GLIS3: variants seen among roughly 807,000 people sequenced by gnomAD.
GLIS3 encodes zinc finger protein GLIS3.
In GLIS3, 53 loss-of-function variants were observed where a neutral mutation model predicts 78.6. The ratio of observed to expected loss-of-function variants is 0.67; its 90% CI spans 0.54 to 0.85. GLIS3 has a LOEUF of 0.85. GLIS3 is among the 40% of genes least tolerant of loss of function. GLIS3 has a pLI of 0.00. For synonymous variants in GLIS3, 684 were observed against 509.9 expected, an observed-to-expected ratio of 1.34 and a Z score of -4.60; for missense variants, 1,703 against 1,231.1, an observed-to-expected ratio of 1.38 and a Z score of -5.74.
chr9:3,856,006 T>C lies in GLIS3; in HGVS notation c.2473+3A>G, dbSNP rs562001640. 1 of 1,614,138 alleles carries C rather than the reference T, an allele frequency of 6.2e-7. No homozygotes were observed. The highest frequency in any genetic ancestry group is 1.3e-5 in the African/African-American group (1 of 75,060). ...CTCAAGGGACTGCCAGCTTCTTGCT[T>C]ACCATGGACATGGATACCATTTGGT... On this transcript the variant is annotated splice_donor_region_variant and intron_variant, in intron 9 of 10. Transcript: ENST00000381971.
intron 7 of GLIS3, among the ~76,000 whole-genome samples, chr9:3,881,459 C>T (rs952996803): frequency 5.9e-5 from 9 of 152,160 alleles, no homozygotes; most frequent in Admixed American, 2.0e-4. Context: ...ACTTGGTGTG[C>T]ACACTCTGTG....
upstream of GLIS3, among the ~76,000 whole-genome samples, chr9:4,352,810 G>A (rs1326810634): frequency 1.3e-5 from 2 of 152,230 alleles, no homozygotes; most frequent in Non-Finnish European, 2.9e-5. Flanking sequence ...TTTCTTGGAT[G>A]TTGGCCAAAA....
chr9:3,907,433 A>G (rs1823785219), intron 6 of GLIS3, among the ~76,000 whole-genome samples: 1 of 152,194 alleles, frequency 6.6e-6, no homozygotes. Flanking sequence ...TTCCTAATGG[A>G]GAATTTTCAA....
intron 4 of GLIS3, among the ~76,000 whole-genome samples, chr9:4,036,764 G>A (rs1347588357): frequency 6.6e-6 from 1 of 152,170 alleles, no homozygotes; most frequent in East Asian, 1.9e-4. Context: ...ACAGAGGTGT[G>A]AGAAGAACTG....
At chr9:4,264,234 T>C (rs1260300166) in intron 2 of GLIS3, among the ~76,000 whole-genome samples, 4 of 152,210 alleles carry the variant, frequency 2.6e-5, no homozygotes, top group African/African-American at 7.2e-5. Flanking sequence ...CTGTTTCTTA[T>C]TGCTGCACAA....
intron 2 of GLIS3, among the ~76,000 whole-genome samples, chr9:4,160,603 C>T (rs962084117): frequency 3.9e-5 from 6 of 152,192 alleles, no homozygotes; most frequent in Admixed American, 3.9e-4. Flanking sequence ...TTAACCCAAG[C>T]TTGTTTGACA....
At chr9:4,126,977 A>T (rs1165654610) in intron 2 of GLIS3, among the ~76,000 whole-genome samples, 1 of 152,228 alleles carries the variant, frequency 6.6e-6, no homozygotes, top group Non-Finnish European at 1.5e-5. Context: ...TGTAGGGGTC[A>T]TAATTTCCTA....
chr9:4,044,316 G>A (rs965022494), intron 4 of GLIS3, among the ~76,000 whole-genome samples: 4 of 152,296 alleles, frequency 2.6e-5, no homozygotes, highest in Non-Finnish European at 5.9e-5. Context: ...TGATTATACA[G>A]ATCTGTACGA....
At chr9:3,875,433 A>AT (rs144363992) in intron 8 of GLIS3, among the ~76,000 whole-genome samples, 22,875 of 151,964 alleles carry the variant, frequency 0.15, 1,990 homozygotes, top group Non-Finnish European at 0.19. Context: ...GACTCAGCCC[A>AT]TTTTTTTTAG....
chr9:4,152,037 A>C, intron 2 of GLIS3: 3 of 504,640 alleles, frequency 5.9e-6, no homozygotes, highest in Non-Finnish European at 7.7e-6. Flanking sequence ...AAAAACCAGA[A>C]CCTCAAACCC....
At chr9:4,084,400 G>C (rs1191766878) in intron 4 of GLIS3, among the ~76,000 whole-genome samples, 1 of 152,050 alleles carries the variant, frequency 6.6e-6, no homozygotes, top group East Asian at 1.9e-4. Context: ...CGCAAGGAGA[G>C]GAAAAAATAA....
intron 1 of GLIS3, among the ~76,000 whole-genome samples, chr9:4,297,214 T>C (rs1388305325): frequency 6.6e-6 from 1 of 151,784 alleles, no homozygotes; most frequent in Non-Finnish European, 1.5e-5. Context: ...AAGGCAGAAA[T>C]CATGACTCAT....
chr9:4,318,490 GGGCAGT>G (rs1817472539), intron 2 of GLIS3, among the ~76,000 whole-genome samples: 1 of 152,086 alleles, frequency 6.6e-6, no homozygotes, highest in Admixed American at 6.5e-5. Context: ...AAAATATAAG[GGGCAGT>G]GTCAAAATAA....
chr9:4,354,565 C>T, the GLIS3 span, among the ~76,000 whole-genome samples: 2 of 152,156 alleles, frequency 1.3e-5, no homozygotes, highest in South Asian at 4.1e-4. Flanking sequence ...AGGTCAAAAC[C>T]TCAGTGCACG....
At chr9:4,067,205 A>C (rs958807088) in intron 4 of GLIS3, among the ~76,000 whole-genome samples, 3 of 151,706 alleles carry the variant, frequency 2.0e-5, no homozygotes, top group African/African-American at 7.3e-5. Context: ...AATACTTTAT[A>C]TTAAAATTCT....
chr9:4,001,158 T>G (rs1460107008), intron 4 of GLIS3, among the ~76,000 whole-genome samples: 2 of 152,332 alleles, frequency 1.3e-5, no homozygotes, highest in African/African-American at 4.8e-5. Flanking sequence ...GTGTTCTTCA[T>G]GCTTATTACA....
rs559919163 is a variant in GLIS3 at position 4,171,235 on chromosome 9, C to G, written c.389-45294G>C. 2.0e-5 allele frequency among the ~76,000 whole-genome samples: 3 copies of G among 152,212 alleles called. No individual in the cohort carries two copies. In the South Asian group the frequency reaches 6.2e-4, roughly 32 times the overall value. ...CATATAAGTACACTCTTCACCATAA[C>G]AGTATAAAGATAAAAGGTTCTATTT... On this transcript the variant is annotated intron_variant, in intron 2 of 10. Transcript: ENST00000381971.
At chr9:4,009,738 T>C (rs1821844471) in intron 4 of GLIS3, among the ~76,000 whole-genome samples, 1 of 152,176 alleles carries the variant, frequency 6.6e-6, no homozygotes, top group Non-Finnish European at 1.5e-5. Context: ...GGGCTGAACA[T>C]TCAGGGATCT....
chr9:4,469,397 C>T, the GLIS3 span, among the ~76,000 whole-genome samples: 10 of 152,114 alleles, frequency 6.6e-5, no homozygotes, highest in Admixed American at 6.6e-5. Flanking sequence ...TAAAGCACTC[C>T]TCAGCAAATG....
Sources: gnomAD v4.1 joint callset for allele counts (sites outside exome capture counted in the v4.1 genomes callset) on GRCh38, gnomAD v4.1.1 for gene constraint, MANE v1.5 for transcripts, NCBI Gene and HGNC (gene_info 2026-07-23, HGNC 2026-07-21) for gene names.